The following FBXO38 variants were observed in gnomAD, a reference collection of about 807,000 sequenced individuals.
FBXO38 encodes F-box only protein 38.
FBXO38 carries 53 observed loss-of-function variants against 131.9 expected under a neutral mutation model. The observed-to-expected ratio is 0.40, with a 90% CI of 0.32 to 0.51. FBXO38 has a LOEUF of 0.51. Ranked by LOEUF, FBXO38 falls within the 20% of genes least tolerant of loss-of-function variation. The probability of loss-of-function intolerance (pLI) is 0.53; values close to 1 mark genes in which losing one functional copy is unlikely to be tolerated. For missense variants in FBXO38, 1,076 were observed against 1,475.6 expected, an observed-to-expected ratio of 0.73 and a Z score of 4.44; for synonymous variants, 452 against 505.6, an observed-to-expected ratio of 0.89 and a Z score of 1.42.
chr5:148,439,929 T>G, intron 19 of FBXO38, 137 bp downstream of exon 19: 1 of 834,290 alleles, frequency 1.2e-6, no homozygotes, highest in African/African-American at 1.7e-5. Context: ...GAAGTTAACG[T>G]AAGTAAGAAA....
In FBXO38 at chr5:148,399,159, A is replaced by C. The variant is rs774705267; in HGVS notation, c.262+27A>C. 6 of 1,609,826 alleles carry C rather than the reference A, an allele frequency of 3.7e-6. No homozygotes were observed. The South Asian group carries it at 6.6e-5, about 18-fold the overall frequency. ...TAAGTGGATTTAGTCTGTGAAGTAC[A>C]GTAGTGTCCTACTGGAAAGTAGTAA... On this transcript the variant is annotated intron_variant, in intron 3 of 21. Coordinates refer to ENST00000340253, the MANE Select transcript of FBXO38 (RefSeq NM_205836.3).
chr5:148,384,873 A>T (rs1581209315), intron 1 of FBXO38: 6 of 152,354 alleles, frequency 3.9e-5, no homozygotes, highest in Admixed American at 3.9e-4. Flanking sequence ...CTACAAAGTG[A>T]AAAACAGGAG....
chr5:148,427,525 T>A lies in FBXO38; in HGVS notation c.2231T>A (p.Val744Glu). The A allele has an allele frequency of 6.2e-7, 1 of 1,614,010 alleles. No individual in the cohort carries two copies. The highest frequency in any genetic ancestry group is 8.5e-7 in the Non-Finnish European group (1 of 1,179,974). The change falls in exon 15 of 22, where the codon GTG becomes GAG. Residue 744 changes from valine to glutamate, a missense_variant. By Grantham distance (121) the Val-to-Glu change is moderately radical. This residue lies in a region of FBXO38 where 213 missense variants were observed against 225.2 expected (regional missense o/e 0.95). Coordinates refer to ENST00000340253, the MANE Select transcript of FBXO38 (RefSeq NM_205836.3). The stretch of plus-strand genomic sequence containing the variant: ...TCTTCCGAGCCTAGCCCTACAGAAG[T>A]GGATGTGTCCAGGCAGTGTGCCTGC... ...GGSSEPSPTE[V>E]DVSRQCACSP...
At position 148,442,400 on chromosome 5, in the gene FBXO38, CAG is replaced by C. The variant is rs1383487736; in HGVS notation, c.*255_*256del. ...ATTTAAAAATTCATTTTAAGGAAGA[CAG>C]ATAATTTGAAAGACTTTTGTTTTTC... On this transcript the variant is annotated 3_prime_UTR_variant, in exon 22 of 22. Coordinates refer to ENST00000340253, the MANE Select transcript of FBXO38 (RefSeq NM_205836.3). 8 of 273,286 alleles carry C rather than the reference CAG, an allele frequency of 2.9e-5. No individual in the cohort carries two copies. In the East Asian group the frequency reaches 3.9e-4, roughly 13 times the overall value. The allele number at this position is 273,286 out of a possible 1,614,324, so 16.9% of individuals were successfully genotyped here.
intron 9 of FBXO38, among the ~76,000 whole-genome samples, chr5:148,412,196 A>G (rs1752797860): frequency 1.3e-5 from 2 of 152,048 alleles, no homozygotes; most frequent in Non-Finnish European, 2.9e-5. Flanking sequence ...AACTTTGTAC[A>G]TTCATTTTCT....
chr5:148,417,281 C>A, intron 12 of FBXO38, 77 bp downstream of exon 12: 1 of 1,036,962 alleles, frequency 9.6e-7, no homozygotes, highest in East Asian at 2.5e-5. Context: ...ATCCTGTTCC[C>A]TTTTTCCCCT....
chr5:148,438,342 C>T lies in FBXO38; in HGVS notation c.2868C>T (p.Cys956=). ...PKMMFIHATR[C]RVLKHLKVEN... is the part of the protein sequence containing the mutation. ...GTTTTCATTTTGTAGCTACCAGGTG[C>T]AGGGTACTAAAACATTTAAAGGTAG... The change falls in exon 18 of 22, where the codon TGC becomes TGT. Residue 956 remains cysteine (C), a synonymous_variant. Transcript: ENST00000340253. 6.2e-7 allele frequency: 1 copy of T among 1,613,682 alleles called. No individual in the cohort carries two copies. The highest frequency in any genetic ancestry group is 8.5e-7 in the Non-Finnish European group (1 of 1,179,746).
chr5:148,436,843 A>G (rs1038546039), intron 17 of FBXO38, among the ~76,000 whole-genome samples: 2 of 152,218 alleles, frequency 1.3e-5, no homozygotes, highest in Non-Finnish European at 2.9e-5. Context: ...GTCCTAAAAC[A>G]TCTTAAATTA....
At chr5:148,392,224 A>G (rs1287186311) in intron 1 of FBXO38, among the ~76,000 whole-genome samples, 2 of 152,176 alleles carry the variant, frequency 1.3e-5, no homozygotes, top group Non-Finnish European at 2.9e-5. Context: ...TGGAGTCCCA[A>G]AAGGTAATGG....
chr5:148,408,786 A>G (rs1181276118), intron 7 of FBXO38, among the ~76,000 whole-genome samples: 1 of 152,216 alleles, frequency 6.6e-6, no homozygotes, highest in African/African-American at 2.4e-5. Flanking sequence ...TGATATTTGG[A>G]GGTTCGAAAT....
At chr5:148,384,198 A>G (rs1311508375) in intron 1 of FBXO38, among the ~76,000 whole-genome samples, 159 bp downstream of exon 1, 1 of 152,248 alleles carries the variant, frequency 6.6e-6, no homozygotes, top group East Asian at 1.9e-4. Flanking sequence ...TTGAGAGATC[A>G]GGGGTTGAAT....
intron 17 of FBXO38, 88 bp downstream of exon 17, chr5:148,433,825 C>A: frequency 3.1e-6 from 2 of 651,668 alleles, no homozygotes; most frequent in Non-Finnish European, 5.2e-6. Context: ...GCATTACTGT[C>A]TTATTTTCTT....
chr5:148,404,908 A>G (rs1240995460), intron 6 of FBXO38, 86 bp downstream of exon 6: 11 of 1,194,180 alleles, frequency 9.2e-6, no homozygotes, highest in Non-Finnish European at 9.2e-6. Flanking sequence ...TGTAAATACA[A>G]TTATATTATG....
chr5:148,421,970 G>T (rs1753461997), intron 12 of FBXO38, among the ~76,000 whole-genome samples: 3 of 151,288 alleles, frequency 2.0e-5, no homozygotes, highest in Non-Finnish European at 1.5e-5. Context: ...AACTCTTGTT[G>T]AATGTCTCTG....
At chr5:148,423,835 T>C (rs1753570628) in intron 12 of FBXO38, 163 bp from the exon 13 acceptor site, 7 of 535,834 alleles carry the variant, frequency 1.3e-5, no homozygotes, top group Non-Finnish European at 2.3e-5. Flanking sequence ...TACTTCTTAA[T>C]ATCTGCAGTA....
At chr5:148,398,073 G>T (rs111850286) in intron 2 of FBXO38, among the ~76,000 whole-genome samples, 3 of 152,100 alleles carry the variant, frequency 2.0e-5, no homozygotes, top group Non-Finnish European at 4.4e-5. Flanking sequence ...CAGCCAGAGA[G>T]GGGTAGGGAA....
At chr5:148,386,273 T>G (rs1258340517) in intron 1 of FBXO38, among the ~76,000 whole-genome samples, 3 of 152,136 alleles carry the variant, frequency 2.0e-5, no homozygotes, top group African/African-American at 7.2e-5. Flanking sequence ...AGGACTGACT[T>G]GATGATAGAA....
At chr5:148,407,351 C>G (rs973235910) in intron 7 of FBXO38, among the ~76,000 whole-genome samples, 2 of 152,134 alleles carry the variant, frequency 1.3e-5, no homozygotes, top group African/African-American at 4.8e-5. Flanking sequence ...CTTTTCTTCT[C>G]TAATCAGTTT....
chr5:148,411,586 G>GT (rs1752756403), intron 9 of FBXO38, among the ~76,000 whole-genome samples: 1 of 151,968 alleles, frequency 6.6e-6, no homozygotes, highest in African/African-American at 2.4e-5. Flanking sequence ...AAACATGACT[G>GT]TTTTTCATTT....
Sources: allele counts gnomAD v4.1 joint callset (sites outside exome capture counted in the v4.1 genomes callset), GRCh38; gene constraint gnomAD v4.1.1; regional missense constraint gnomAD v4.1.1; transcripts MANE v1.5; gene names NCBI Gene and HGNC (gene_info 2026-07-23, HGNC 2026-07-21).